SEM1: variants seen among roughly 807,000 people sequenced by gnomAD.
SEM1 encodes the protein 26S proteasome complex subunit SEM1.
Under a neutral mutation model 12.7 loss-of-function variants are expected in SEM1, and 3 were observed. The ratio of observed to expected loss-of-function variants is 0.24; its 90% CI spans 0.11 to 0.61. SEM1 has a LOEUF of 0.61. Ranked by LOEUF, SEM1 falls within the 20% of genes least tolerant of loss-of-function variation. The probability of loss-of-function intolerance (pLI) is 0.88; values close to 1 mark genes in which losing one functional copy is unlikely to be tolerated. For synonymous variants in SEM1, 30 were observed against 27.8 expected, an observed-to-expected ratio of 1.08 and a Z score of -0.25; for missense variants, 59 against 81.3, an observed-to-expected ratio of 0.73 and a Z score of 1.06.
At position 96,637,504 on chromosome 7, in the gene SEM1, G is replaced by A. The variant is rs74453684; in HGVS notation, c.171-14861C>T. Among the ~76,000 whole-genome samples the A allele has an allele frequency of 7.4e-3, 1,127 of 152,104 alleles. 10 individuals are homozygous for A. The highest frequency in any genetic ancestry group is 0.026 in the African/African-American group (1,070 of 41,508). Reference sequence around the variant, plus strand: ...TTGAGATGCTTCTCATTGCTAGAAAGTCCTGCTTTTATGCTTATATTTCTC... The same window carrying A: ...TTGAGATGCTTCTCATTGCTAGAAAATCCTGCTTTTATGCTTATATTTCTC... On this transcript the variant is annotated intron_variant, in intron 2 of 2. Coordinates refer to the SEM1 transcript ENST00000417009.
intron 1 of SEM1, among the ~76,000 whole-genome samples, chr7:96,491,363 G>C (rs4727338): frequency 0.72 from 109,529 of 152,182 alleles, 39,902 homozygotes; most frequent in East Asian, 0.87. Context: ...GCAGTGGTAG[G>C]CTTTTAACAT....
chr7:96,531,466 G>C (rs950477548), intron 2 of SEM1, among the ~76,000 whole-genome samples: 3 of 151,144 alleles, frequency 2.0e-5, no homozygotes, highest in East Asian at 3.9e-4. Flanking sequence ...TAGTCAGGCA[G>C]GGTGGTGTGC....
chr7:96,657,122 C>A (rs760571055), intron 2 of SEM1, among the ~76,000 whole-genome samples: 34 of 151,978 alleles, frequency 2.2e-4, no homozygotes, highest in Non-Finnish European at 4.7e-4. Context: ...ACAGTGAGAA[C>A]AATTAAGCCA....
At chr7:96,508,281 T>C (rs1803818587) in intron 2 of SEM1, among the ~76,000 whole-genome samples, 2 of 152,036 alleles carry the variant, frequency 1.3e-5, no homozygotes, top group Admixed American at 6.6e-5. Context: ...TATGTATTGC[T>C]CATATGATAC....
downstream of SEM1, among the ~76,000 whole-genome samples, chr7:96,685,363 A>T (rs1022739095): frequency 3.3e-5 from 5 of 152,140 alleles, no homozygotes; most frequent in Non-Finnish European, 5.9e-5. Context: ...GAAAAAAGGG[A>T]GTCATTGCTA....
intron 2 of SEM1, among the ~76,000 whole-genome samples, chr7:96,682,085 T>C (rs988059333): frequency 6.6e-6 from 1 of 152,114 alleles, no homozygotes; most frequent in Non-Finnish European, 1.5e-5. Context: ...TAGTTCTCCT[T>C]GAAGAGGTCC....
intron 2 of SEM1, among the ~76,000 whole-genome samples, chr7:96,508,873 G>A (rs1303064887): frequency 1.3e-5 from 2 of 152,078 alleles, no homozygotes; most frequent in Non-Finnish European, 2.9e-5. Context: ...AAATAAAGAT[G>A]TATTCTGTAA....
At chr7:96,498,462 T>A (rs1803381976), upstream of SEM1, among the ~76,000 whole-genome samples, 1 of 152,164 alleles carries the variant, frequency 6.6e-6, no homozygotes, top group Non-Finnish European at 1.5e-5. Context: ...GAGAGTCTTA[T>A]AAGGTTTGAG....
intron 2 of SEM1, among the ~76,000 whole-genome samples, chr7:96,612,964 A>G (rs62470364): frequency 0.41 from 16,153 of 39,788 alleles, 1,068 homozygotes; most frequent in South Asian, 0.54. Context: ...TTAAAAAATT[A>G]AAACTTTTTT....
chr7:96,500,056 G>A (rs1803459177), upstream of SEM1, among the ~76,000 whole-genome samples: 1 of 152,052 alleles, frequency 6.6e-6, no homozygotes, highest in South Asian at 2.1e-4. Context: ...AATTTTCCCT[G>A]TTCTTCTCAT....
chr7:96,619,151 T>C (rs544393663), downstream of SEM1, among the ~76,000 whole-genome samples: 1 of 152,360 alleles, frequency 6.6e-6, no homozygotes, highest in South Asian at 2.1e-4. Context: ...TTTGGTGGCA[T>C]CATATTTCCC....
At chr7:96,489,641 T>C (rs1482397919) in intron 1 of SEM1, among the ~76,000 whole-genome samples, 1 of 152,156 alleles carries the variant, frequency 6.6e-6, no homozygotes, top group Non-Finnish European at 1.5e-5. Flanking sequence ...AGCAATCTCT[T>C]CTCTCACAGT....
intron 2 of SEM1, among the ~76,000 whole-genome samples, chr7:96,661,804 A>C (rs1386944989): frequency 6.6e-6 from 1 of 152,062 alleles, no homozygotes; most frequent in Non-Finnish European, 1.5e-5. Flanking sequence ...CCTGACCAAC[A>C]TGGAGAAACC....
chr7:96,675,681 G>A (rs1295598975), intron 2 of SEM1, among the ~76,000 whole-genome samples: 2 of 152,236 alleles, frequency 1.3e-5, no homozygotes, highest in Admixed American at 1.3e-4. Flanking sequence ...AAGCTGAGGA[G>A]CCTGCTCCTT....
intron 2 of SEM1, among the ~76,000 whole-genome samples, chr7:96,527,105 G>A (rs1804490046): frequency 6.6e-6 from 1 of 151,964 alleles, no homozygotes; most frequent in African/African-American, 2.4e-5. Context: ...TACATAAAGA[G>A]CCCTGAGATG....
chr7:96,695,458 T>C (rs1790061006), intron 1 of SEM1: 1 of 151,880 alleles, frequency 6.6e-6, no homozygotes, highest in Non-Finnish European at 1.5e-5. Flanking sequence ...TTGGTAGTGG[T>C]AGAGGGGAGG....
At chr7:96,622,403 A>G (rs1232515443), downstream of SEM1, 3 of 513,826 alleles carry the variant, frequency 5.8e-6, no homozygotes, top group African/African-American at 5.7e-5. Flanking sequence ...TTTCTCTTGT[A>G]TTTGAATCAC....
At chr7:96,528,307 C>T (rs1804535150) in intron 2 of SEM1, among the ~76,000 whole-genome samples, 1 of 152,162 alleles carries the variant, frequency 6.6e-6, no homozygotes, top group Admixed American at 6.5e-5. Context: ...AATCCTCCTA[C>T]ATCAGCCTCC....
intron 2 of SEM1, among the ~76,000 whole-genome samples, chr7:96,609,611 C>A (rs1400488316): frequency 1.3e-5 from 2 of 152,118 alleles, no homozygotes; most frequent in East Asian, 3.9e-4. Flanking sequence ...CAATACCATG[C>A]ATGCCATTAT....
Sources: gnomAD v4.1 joint callset for allele counts (sites outside exome capture counted in the v4.1 genomes callset) on GRCh38, gnomAD v4.1.1 for gene constraint, MANE v1.5 for transcripts, NCBI Gene and HGNC (gene_info 2026-07-23, HGNC 2026-07-21) for gene names.